Variants in DNAH14 observed in about 807,000 individuals in gnomAD.
The protein encoded by DNAH14 is axonemal beta dynein heavy chain 14.
DNAH14 carries 478 observed loss-of-function variants against 520.9 expected under a neutral mutation model. The observed-to-expected ratio is 0.92, with a 90% confidence interval of 0.85 to 0.99. DNAH14 has a LOEUF of 0.99. Among genes scored for constraint, DNAH14 ranks in the 50% least tolerant of loss-of-function variants. The pLI is 0.00. For synonymous variants in DNAH14, 1,581 were observed against 1,757.2 expected (o/e 0.90, Z 2.51); for missense variants, 4,831 against 5,234.5 (o/e 0.92, Z 2.38).
intron 52 of DNAH14, among the ~76,000 whole-genome samples, chr1:225,274,252 G>T (rs1376517756): frequency 1.4e-5 from 2 of 137,942 alleles, no homozygotes; most frequent in South Asian, 4.8e-4. Context: ...TCGCCCAGGC[G>T]GGAGTGCTGT....
At position 225,385,163 on chromosome 1, in the gene DNAH14, C is replaced by T. The variant is rs6702217; in HGVS notation, c.13078-3216C>T. Among the ~76,000 whole-genome samples the T allele has an allele frequency of 2.9e-3, 446 of 152,088 alleles. 2 individuals carry two copies. The highest frequency in any genetic ancestry group is 0.01 in the African/African-American group (423 of 41,482). On this transcript the variant is annotated intron_variant, in intron 81 of 85. Transcript: ENST00000682510. ...TCTCAATAGATGCAGAAAAGGCCTT[C>T]GACAAAATTCAACAACCCTTCATGC...
At chr1:225,015,614 A>G (rs904523000) in intron 10 of DNAH14, among the ~76,000 whole-genome samples, 3 of 152,234 alleles carry the variant, frequency 2.0e-5, no homozygotes, top group Non-Finnish European at 4.4e-5. Context: ...AAAAAGATAC[A>G]CACACAATAC....
chr1:225,206,830 C>T (rs1456087427), intron 40 of DNAH14, 138 bp from the exon 41 acceptor site: 18 of 745,338 alleles, frequency 2.4e-5, no homozygotes, highest in South Asian at 1.7e-4. Context: ...CTACTTTGAT[C>T]ATTTGCCCTT....
chr1:224,973,912 C>G (rs2061651083), intron 7 of DNAH14, among the ~76,000 whole-genome samples, 179 bp from the exon 8 acceptor site: 1 of 152,090 alleles, frequency 6.6e-6, no homozygotes, highest in South Asian at 2.1e-4. Flanking sequence ...ACCTTTTGCT[C>G]TATATTCTGT....
Position 225,351,788 on chromosome 1 carries a change from C to T in DNAH14, c.11438C>T (p.Thr3813Ile). 6.4e-7 allele frequency: 1 copy of T among 1,551,350 alleles called. No individual in the cohort carries two copies. Among genetic ancestry groups the T allele is most frequent in the Non-Finnish European group, 8.7e-7 (1 of 1,146,762 alleles). ...SLLSNVSQWDTFKNSKAVYSL... is the reference protein window; with the variant it reads ...SLLSNVSQWDIFKNSKAVYSL... ...TTATCAAACGTATCACAATGGGATACTTTTAAGAACAGTAAAGCAGTTTAT... is the reference window on the plus strand; with the variant it reads ...TTATCAAACGTATCACAATGGGATATTTTTAAGAACAGTAAAGCAGTTTAT... The change falls in exon 72 of 86, where the codon ACT becomes ATT. Residue 3813 changes from threonine (T) to isoleucine (I), a missense_variant. Transcript: ENST00000682510.
chr1:225,132,110 CTA>C (rs1383481949), intron 27 of DNAH14, among the ~76,000 whole-genome samples: 1 of 151,856 alleles, frequency 6.6e-6, no homozygotes, highest in Non-Finnish European at 1.5e-5. Context: ...GATCGGTAAA[CTA>C]TATTATATCT....
chr1:224,930,241 A>G (rs1009960914), intron 1 of DNAH14, among the ~76,000 whole-genome samples: 1 of 152,210 alleles, frequency 6.6e-6, no homozygotes, highest in African/African-American at 2.4e-5. Context: ...CTCAACACAA[A>G]TATATATGGA....
At chr1:225,260,480 G>T (rs1353784521) in intron 46 of DNAH14, among the ~76,000 whole-genome samples, 1 of 152,120 alleles carries the variant, frequency 6.6e-6, no homozygotes, top group Non-Finnish European at 1.5e-5. Flanking sequence ...AAATGTGTGG[G>T]TTTATTTCTG....
chr1:225,041,835 A>G (rs2067507514), intron 12 of DNAH14, among the ~76,000 whole-genome samples: 1 of 152,228 alleles, frequency 6.6e-6, no homozygotes, highest in Non-Finnish European at 1.5e-5. Context: ...GCTAAGCAGC[A>G]CATTATATAT....
At chr1:225,270,122 C>G (rs965891121) in intron 49 of DNAH14, among the ~76,000 whole-genome samples, 3 of 152,128 alleles carry the variant, frequency 2.0e-5, no homozygotes, top group African/African-American at 7.2e-5. Context: ...CACATATACA[C>G]CATGGAATAC....
In DNAH14 at chr1:225,270,152, A is replaced by T. The variant is rs535901983; in HGVS notation, c.7540-583A>T. On this transcript the variant is annotated intron_variant, in intron 49 of 85. Coordinates refer to ENST00000682510, the MANE Select transcript of DNAH14 (RefSeq NM_001367479.1). ...GAATACTATGCAGCCATAAAAAAGG[A>T]TGAGCTCATGTCCTTTGTAGGGATA... is the stretch of plus-strand genomic sequence containing the variant. Among the ~76,000 whole-genome samples, 3 of 152,212 alleles carry T rather than the reference A, an allele frequency of 2.0e-5. No homozygotes were observed. In the East Asian group the frequency reaches 5.8e-4, roughly 29 times the overall value.
At chr1:225,324,389 G>A (rs1225018369) in intron 63 of DNAH14, 36 bp downstream of exon 63, 1 of 1,539,990 alleles carries the variant, frequency 6.5e-7, no homozygotes, top group African/African-American at 1.4e-5. Context: ...TCATGATTTG[G>A]AAGTGGCACA....
chr1:225,266,859 G>A (rs758308535), intron 49 of DNAH14, 90 bp downstream of exon 49: 3 of 1,264,572 alleles, frequency 2.4e-6, no homozygotes, highest in Non-Finnish European at 3.2e-6. Context: ...AATTGCTTGA[G>A]AAAGTTAGAA....
chr1:225,346,443 A>G lies in DNAH14; in HGVS notation c.11098-13A>G. 2 of 1,539,360 alleles carry G rather than the reference A, an allele frequency of 1.3e-6. No individual in the cohort carries two copies. The highest frequency in any genetic ancestry group is 1.2e-5 in the South Asian group (1 of 81,366). Reference sequence around the variant, plus strand: ...TAATCTCACTGGATTAATATGTTATATTTTCCCTATAGGTGGTTTCTTCAG... The same window carrying G: ...TAATCTCACTGGATTAATATGTTATGTTTTCCCTATAGGTGGTTTCTTCAG... On this transcript the variant is annotated splice_polypyrimidine_tract_variant and intron_variant, in intron 70 of 85. Coordinates refer to ENST00000682510, the MANE Select transcript of DNAH14 (RefSeq NM_001367479.1).
At chr1:225,248,032 A>G (rs1378184092) in intron 43 of DNAH14, among the ~76,000 whole-genome samples, 1 of 152,148 alleles carries the variant, frequency 6.6e-6, no homozygotes, top group Non-Finnish European at 1.5e-5. Context: ...TAATAATAAT[A>G]ATAATTAGAC....
At chr1:224,979,829 C>T (rs1572211047) in intron 8 of DNAH14, among the ~76,000 whole-genome samples, 1 of 152,276 alleles carries the variant, frequency 6.6e-6, no homozygotes, top group Non-Finnish European at 1.5e-5. Context: ...GGGTACCAGG[C>T]AGAGTCATGA....
At chr1:225,216,519 C>A (rs1324607554) in intron 41 of DNAH14, among the ~76,000 whole-genome samples, 2 of 152,240 alleles carry the variant, frequency 1.3e-5, no homozygotes, top group Non-Finnish European at 2.9e-5. Flanking sequence ...CTCCCAGTCA[C>A]TTTCTGGTAC....
At chr1:225,028,486 T>A (rs2066295161) in intron 11 of DNAH14, among the ~76,000 whole-genome samples, 1 of 152,038 alleles carries the variant, frequency 6.6e-6, no homozygotes, top group South Asian at 2.1e-4. Flanking sequence ...TTCTCTATCA[T>A]TACAGATTTT....
intron 10 of DNAH14, among the ~76,000 whole-genome samples, chr1:225,008,487 A>G (rs2064380748): frequency 6.6e-6 from 1 of 151,254 alleles, no homozygotes; most frequent in Admixed American, 6.6e-5. Flanking sequence ...CTAGATCCCT[A>G]CTATCTTCCA....
Sources: gnomAD v4.1 joint callset for allele counts (sites outside exome capture counted in the v4.1 genomes callset) on GRCh38, gnomAD v4.1.1 for gene constraint, MANE v1.5 for transcripts, NCBI Gene and HGNC (gene_info 2026-07-23, HGNC 2026-07-21) for gene names.